The following ST6GALNAC2 variants were observed in gnomAD, a reference collection of about 807,000 sequenced individuals.
ST6GALNAC2 encodes the protein ST6 N-acetylgalactosaminide alpha-2,6-sialyltransferase 2, also known as alpha-N-acetylgalactosaminide alpha-2,6-sialyltransferase 2.
Under a neutral mutation model 38.7 loss-of-function variants are expected in ST6GALNAC2, and 42 were observed. The observed-to-expected ratio is 1.09, with a 90% confidence interval of 0.85 to 1.40. The LOEUF (loss-of-function observed/expected upper bound fraction) is 1.40, where lower values mean the gene tolerates loss of function less well. Among genes scored for constraint, ST6GALNAC2 ranks in the 40% most tolerant of loss-of-function variants. The pLI, the probability that ST6GALNAC2 is intolerant of heterozygous loss-of-function variation, is 0.00. For missense variants in ST6GALNAC2, 506 were observed against 481.7 expected, an observed-to-expected ratio of 1.05 and a Z score of -0.47; for synonymous variants, 233 against 209.0, an observed-to-expected ratio of 1.11 and a Z score of -0.99.
chr17:76,573,111 C>T lies in ST6GALNAC2; in HGVS notation c.530+84G>A, dbSNP rs2143300793. The T allele has an allele frequency of 7.0e-7, 1 of 1,434,914 alleles. No individual in the cohort carries two copies. Among genetic ancestry groups the T allele is most frequent in the East Asian group, 2.3e-5 (1 of 42,576 alleles). 88.9% of individuals were successfully genotyped at this position (1,434,914 alleles called of 1,614,324 possible). A position where few individuals can be genotyped will look rare whatever the true frequency, so the allele number is the denominator to read the frequency against. Reference sequence around the variant, plus strand: ...GCTGAGCCGCCCAGGCCACTGCTGCCATAGCCCACTGCCCCTGGGGGAGAC... The same window carrying T: ...GCTGAGCCGCCCAGGCCACTGCTGCTATAGCCCACTGCCCCTGGGGGAGAC... On this transcript the variant is annotated intron_variant, in intron 4 of 8. Transcript: ENST00000225276. The surrounding 1 kb of genome is among the most constrained non-coding windows in gnomAD (Gnocchi z 5.1).
chr17:76,576,326 T>C (rs138319026), intron 2 of ST6GALNAC2, among the ~76,000 whole-genome samples: 16 of 152,280 alleles, frequency 1.1e-4, no homozygotes, highest in Admixed American at 2.6e-4. Context: ...ACTGAAACGC[T>C]GTCAGGAATG....
chr17:76,569,242 G>C (rs867851253), intron 6 of ST6GALNAC2: 16 of 377,800 alleles, frequency 4.2e-5, no homozygotes, highest in Middle Eastern at 6.4e-4. Flanking sequence ...GGGCACATAG[G>C]GGGTGATATA....
At chr17:76,577,321 G>A (rs1237399201) in intron 2 of ST6GALNAC2, among the ~76,000 whole-genome samples, 2 of 151,666 alleles carry the variant, frequency 1.3e-5, no homozygotes, top group African/African-American at 4.8e-5. Flanking sequence ...ACCCACCTCG[G>A]CCTCCCAAAA....
intron 2 of ST6GALNAC2, among the ~76,000 whole-genome samples, chr17:76,577,549 G>A (rs2075430858): frequency 6.6e-6 from 1 of 151,640 alleles, no homozygotes; most frequent in East Asian, 1.9e-4. Context: ...TCAGCCTGCC[G>A]GCCAAGTGCC....
Position 76,574,498 on chromosome 17 carries a change from C to A in ST6GALNAC2, c.228G>T (p.Arg76=), listed in dbSNP as rs1276808458. The A allele has an allele frequency of 8.1e-6, 13 of 1,613,420 alleles. No individual in the cohort carries two copies. Among genetic ancestry groups the A allele is most frequent in the Non-Finnish European group, 1.1e-5 (13 of 1,179,852 alleles). The change falls in exon 3 of 9, where the codon CGG becomes CGT. Residue 76 remains arginine, a synonymous_variant. Transcript: ENST00000225276. ...TGAACAGGCCACGGAAGTGGGGGTGCCGCTGAATGGCCAGGTGAAGCAGGT... is the reference window on the plus strand; with the variant it reads ...TGAACAGGCCACGGAAGTGGGGGTGACGCTGAATGGCCAGGTGAAGCAGGT... ...CRHLLHLAIQ[R]HPHFRGLFNL...
intron 1 of ST6GALNAC2, chr17:76,581,157 A>G (rs769270019): frequency 6.6e-6 from 1 of 152,222 alleles, no homozygotes; most frequent in South Asian, 2.1e-4. Context: ...CAGGTTTCCT[A>G]TAAGACCCTG....
At position 76,572,109 on chromosome 17, in the gene ST6GALNAC2, G is replaced by A. The variant is rs927424630; in HGVS notation, c.669+528C>T. 5.9e-5 allele frequency among the ~76,000 whole-genome samples: 9 copies of A among 152,154 alleles called. No homozygotes were observed. The South Asian group carries it at 1.0e-3, about 18-fold the overall frequency. On this transcript the variant is annotated intron_variant, in intron 5 of 8. Coordinates refer to ENST00000225276, the MANE Select transcript of ST6GALNAC2 (RefSeq NM_006456.3). ...TGGACATGTTCCTGAACCTCTCAGC[G>A]TCCCTGCTTTGTCATCTGGAAATGG...
Position 76,574,425 on chromosome 17 carries a change from G to C in ST6GALNAC2, c.301C>G (p.Leu101Val), listed in dbSNP as rs1329101640. Residue 101 changes from leucine (L) to valine (V), a missense_variant, in exon 3 of 9, where the codon CTC (leucine) becomes GTC (valine). Coordinates refer to ENST00000225276, the MANE Select transcript of ST6GALNAC2 (RefSeq NM_006456.3). ...TTGTGTTGGCTCAGGCGGTCCCAGA[G>C]CGCTGGGGTGAAGAGGTCCCCCCAC... The part of the protein sequence containing the change: ...LLWGDLFTPA[L>V]WDRLSQHKAP... 2 of 1,613,790 alleles carry C rather than the reference G, an allele frequency of 1.2e-6. No individual in the cohort carries two copies. The highest frequency in any genetic ancestry group is 1.7e-6 in the Non-Finnish European group (2 of 1,179,968).
Position 76,584,330 on chromosome 17 carries a change from G to C in ST6GALNAC2, c.125+1354C>G, listed in dbSNP as rs183209007. Among the ~76,000 whole-genome samples, 99 of 151,852 alleles carry C rather than the reference G, an allele frequency of 6.5e-4. 3 individuals carry two copies. Among genetic ancestry groups the C allele is most frequent in the Non-Finnish European group, 1.2e-4 (8 of 67,972 alleles). ...GGTCAGCTCCCGGAATAGATAGATG[G>C]AAGCACAGGCATGCACCACCATCCC... is the stretch of plus-strand genomic sequence containing the variant. On this transcript the variant is annotated intron_variant, in intron 1 of 8. Coordinates refer to ENST00000225276, the MANE Select transcript of ST6GALNAC2 (RefSeq NM_006456.3).
intron 2 of ST6GALNAC2, among the ~76,000 whole-genome samples, chr17:76,578,081 G>C (rs919369703): frequency 6.6e-6 from 1 of 152,108 alleles, no homozygotes; most frequent in Non-Finnish European, 1.5e-5. Context: ...CCTGCTTATC[G>C]GCAGCACATG....
At chr17:76,577,616 C>T (rs1165058484) in intron 2 of ST6GALNAC2, among the ~76,000 whole-genome samples, 1 of 146,414 alleles carries the variant, frequency 6.8e-6, no homozygotes, top group African/African-American at 2.6e-5. Context: ...CGCTCTGTCA[C>T]TCACGGTGGA....
At position 76,571,465 on chromosome 17, in the gene ST6GALNAC2, G is replaced by A. The variant is rs200974299; in HGVS notation, c.670-797C>T. 1.6e-4 allele frequency among the ~76,000 whole-genome samples: 24 copies of A among 152,318 alleles called. No homozygotes were observed. The East Asian group carries it at 2.7e-3, about 17-fold the overall frequency. On this transcript the variant is annotated intron_variant, in intron 5 of 8. Coordinates refer to ENST00000225276, the MANE Select transcript of ST6GALNAC2 (RefSeq NM_006456.3). Reference sequence around the variant, plus strand: ...AAAAATTAGCCAGGCGTGGTGGTGCGTGCCTGTAATCCCAGCTTCTTGAGA... The same window carrying A: ...AAAAATTAGCCAGGCGTGGTGGTGCATGCCTGTAATCCCAGCTTCTTGAGA...
Position 76,574,623 on chromosome 17 carries a change from G to A in ST6GALNAC2, c.187-84C>T, listed in dbSNP as rs541924967. Reference sequence around the variant, plus strand: ...CCTGCAGACCCTGCAGGGGAGTTGCGAGTTGTGAGGGAAGGCCTGCCCTGT... The same window carrying A: ...CCTGCAGACCCTGCAGGGGAGTTGCAAGTTGTGAGGGAAGGCCTGCCCTGT... On this transcript the variant is annotated intron_variant, in intron 2 of 8. Transcript: ENST00000225276. 9.1e-6 allele frequency: 11 copies of A among 1,210,576 alleles called. No individual in the cohort carries two copies. The East Asian group carries it at 2.2e-4, about 25-fold the overall frequency. 75.0% of individuals were successfully genotyped at this position (1,210,576 alleles called of 1,614,324 possible).
At chr17:76,569,379 G>T (rs1304915854) in intron 6 of ST6GALNAC2, 13 of 395,884 alleles carry the variant, frequency 3.3e-5, no homozygotes, top group African/African-American at 2.3e-4. Context: ...CAGACTGGGA[G>T]GGAGATTTGG....
At chr17:76,577,212 G>T (rs1449713128) in intron 2 of ST6GALNAC2, among the ~76,000 whole-genome samples, 2 of 151,076 alleles carry the variant, frequency 1.3e-5, no homozygotes, top group African/African-American at 2.4e-5. Context: ...GATTACAGGC[G>T]CCTGCCACCA....
chr17:76,573,355 A>G lies in ST6GALNAC2; in HGVS notation c.370T>C (p.Ser124Pro). ...WRGLSHQVIA[S>P]TLSLLNGSES... ...GAGCCGTTCAGAAGGCTCAGGGTGG[A>G]GGCGATGACTGTGGGTGCAGATGGG... Residue 124 changes from serine (S) to proline (P), a missense_variant, in exon 4 of 9, where the codon TCC becomes CCC. By Grantham distance (74) the Ser-to-Pro change is moderately conservative. Coordinates refer to ENST00000225276, the MANE Select transcript of ST6GALNAC2 (RefSeq NM_006456.3). The surrounding 1 kb of genome is among the most constrained non-coding windows in gnomAD (Gnocchi z 5.1). 6.5e-7 allele frequency: 1 copy of G among 1,543,284 alleles called. No individual in the cohort carries two copies.
chr17:76,580,961 G>C (rs939086050), intron 1 of ST6GALNAC2: 2 of 151,902 alleles, frequency 1.3e-5, no homozygotes, highest in Non-Finnish European at 2.9e-5. Context: ...GAAGGAATAG[G>C]GGTCCTTACC....
rs71158023 is a variant in ST6GALNAC2, at chr17:76,565,573, CAA to C, written c.*529_*530del. On this transcript the variant is annotated 3_prime_UTR_variant, in exon 9 of 9. Coordinates refer to ENST00000225276, the MANE Select transcript of ST6GALNAC2 (RefSeq NM_006456.3). ...GTTTTATATGATTTCTCTACCCAGC[CAA>C]AAAAAAAAAAATGGTCCATCATGTA... 3.6e-4 allele frequency: 52 copies of C among 143,336 alleles called. No individual in the cohort carries two copies. The highest frequency in any genetic ancestry group is 4.4e-4 in the South Asian group (2 of 4,584). The allele number at this position is 143,336 out of a possible 1,614,324, so 8.9% of individuals were successfully genotyped here.
At position 76,572,617 on chromosome 17, in the gene ST6GALNAC2, A is replaced by G; in HGVS notation, c.669+20T>C. 1.9e-6 allele frequency: 3 copies of G among 1,613,682 alleles called. No individual in the cohort carries two copies. On this transcript the variant is annotated intron_variant, in intron 5 of 8. Coordinates refer to ENST00000225276, the MANE Select transcript of ST6GALNAC2 (RefSeq NM_006456.3). ...TGGTGCCATTGTCAACCACAATGGC[A>G]TGCCCGCCAGAGGCCTCACCTGTCC...
Sources: allele counts gnomAD v4.1 joint callset (sites outside exome capture counted in the v4.1 genomes callset), GRCh38; gene constraint gnomAD v4.1.1; non-coding constraint Gnocchi (gnomAD v3.1); transcripts MANE v1.5; gene names NCBI Gene and HGNC (gene_info 2026-07-23, HGNC 2026-07-21).